The following VRK2 variants were observed in gnomAD, a reference collection of about 807,000 sequenced individuals.
VRK2 encodes the protein serine/threonine-protein kinase VRK2.
Under a neutral mutation model 57.6 loss-of-function variants are expected in VRK2, and 60 were observed. The observed-to-expected ratio is 1.04, with a 90% confidence interval of 0.85 to 1.29. The LOEUF (loss-of-function observed/expected upper bound fraction) is 1.29, where lower values mean the gene tolerates loss of function less well. VRK2 is among the 50% of genes most tolerant of loss of function. The pLI is 0.00. For missense variants in VRK2, 705 were observed against 588.1 expected (o/e 1.20, Z -2.06); for synonymous variants, 231 against 199.2 (o/e 1.16, Z -1.35).
Position 58,046,826 on chromosome 2 carries a change from G to C in VRK2, c.-48G>C, listed in dbSNP as rs1558561077. The C allele has an allele frequency of 6.1e-6, 6 of 985,626 alleles. No individual in the cohort carries two copies. Among genetic ancestry groups the C allele is most frequent in the Non-Finnish European group, 7.2e-6 (6 of 830,198 alleles). 61.1% of individuals were successfully genotyped at this position (985,626 alleles called of 1,614,324 possible). On this transcript the variant is annotated 5_prime_UTR_variant, in exon 1 of 13. Transcript: ENST00000340157. ...TCCGCCTCGTCGCAGCGGCAGGTAG[G>C]AGGCGGTGCGCGCGGCCCGGCGACG... is the stretch of plus-strand genomic sequence containing the variant.
At chr2:57,966,956 A>G (rs1671937334) in intron 1 of VRK2, among the ~76,000 whole-genome samples, 1 of 152,218 alleles carries the variant, frequency 6.6e-6, no homozygotes, top group Non-Finnish European at 1.5e-5. Flanking sequence ...GCATGTGATC[A>G]GCAGGAGAGA....
intron 1 of VRK2, among the ~76,000 whole-genome samples, chr2:57,931,728 A>G (rs1415838113): frequency 6.6e-6 from 1 of 151,896 alleles, no homozygotes; most frequent in Non-Finnish European, 1.5e-5. Flanking sequence ...TTCCTCTAAG[A>G]GATTTATAGC....
exon 3 of VRK2, chr2:58,033,292 A>G (rs1369948218): frequency 6.6e-6 from 1 of 152,024 alleles, no homozygotes; most frequent in African/African-American, 2.4e-5. Context: ...AGGACTTTAC[A>G]GATCTGAGTA....
chr2:57,941,332 A>G (rs1192389536), intron 1 of VRK2, among the ~76,000 whole-genome samples: 1 of 152,200 alleles, frequency 6.6e-6, no homozygotes. Context: ...TGCTTTTTAC[A>G]TATCATATGA....
intron 1 of VRK2, among the ~76,000 whole-genome samples, chr2:57,939,017 A>C (rs1003495469): frequency 6.6e-6 from 1 of 152,198 alleles, no homozygotes; most frequent in Non-Finnish European, 1.5e-5. Flanking sequence ...TCAAACTGAG[A>C]AACAGACAAT....
chr2:57,919,927 T>C lies in VRK2; in HGVS notation c.-439+12088T>C, dbSNP rs549968529. ...GCTGAAGTTAAAAGTCTAAAAATGA[T>C]TTTCATTCATTCCTCATTAATATGC... On this transcript the variant is annotated intron_variant, in intron 1 of 15. Transcript: ENST00000417641. Among the ~76,000 whole-genome samples the C allele has an allele frequency of 2.0e-4, 30 of 152,180 alleles. No individual in the cohort carries two copies. The South Asian group carries it at 5.6e-3, about 28-fold the overall frequency.
chr2:58,092,712 G>A (rs1672552751), intron 7 of VRK2, among the ~76,000 whole-genome samples: 1 of 152,210 alleles, frequency 6.6e-6, no homozygotes, highest in South Asian at 2.1e-4. Flanking sequence ...TGTGCACAAA[G>A]TGCAGGTTTG....
At chr2:58,023,344 T>C (rs1487884008) in intron 1 of VRK2, among the ~76,000 whole-genome samples, 1 of 152,234 alleles carries the variant, frequency 6.6e-6, no homozygotes, top group Non-Finnish European at 1.5e-5. Context: ...ATTGTGTGTA[T>C]ATGTGTGTGT....
rs1266557659 is a variant in VRK2 at position 58,082,395 on chromosome 2, T to A, written c.137-1694T>A. Among the ~76,000 whole-genome samples, 6 of 151,984 alleles carry A rather than the reference T, an allele frequency of 3.9e-5. No individual in the cohort carries two copies. The East Asian group carries it at 1.2e-3, about 29-fold the overall frequency. ...AAGATTTATTTGCTGCTGTGGTCAC[T>A]TGCTTTTAGACAAGAGGCAAAACTT... On this transcript the variant is annotated intron_variant, in intron 2 of 12. Transcript: ENST00000340157.
intron 1 of VRK2, among the ~76,000 whole-genome samples, chr2:57,975,128 T>C (rs1277350862): frequency 6.6e-6 from 1 of 151,972 alleles, no homozygotes; most frequent in African/African-American, 2.4e-5. Flanking sequence ...ACCCTTAACA[T>C]TTTTAAAGTA....
intron 1 of VRK2, among the ~76,000 whole-genome samples, chr2:57,987,339 G>A (rs1459908493): frequency 2.0e-5 from 3 of 152,028 alleles, no homozygotes; most frequent in Admixed American, 2.0e-4. Context: ...ATAAAAATGG[G>A]CAAAACTCTG....
intron 10 of VRK2, 118 bp from the exon 11 acceptor site, chr2:58,139,548 G>T: frequency 4.8e-6 from 4 of 825,278 alleles, no homozygotes; most frequent in Admixed American, 2.9e-5. Context: ...TTCATTTTTA[G>T]TTTCTTCAGG....
At chr2:58,107,773 C>T (rs2165103) in intron 7 of VRK2, among the ~76,000 whole-genome samples, 9,300 of 152,204 alleles carry the variant, frequency 0.061, 963 homozygotes, top group African/African-American at 0.21. Flanking sequence ...TCCCAGTGGA[C>T]AGTGACATTT....
intron 2 of VRK2, among the ~76,000 whole-genome samples, chr2:58,060,903 G>A (rs1325848908): frequency 6.6e-6 from 1 of 151,834 alleles, no homozygotes; most frequent in East Asian, 1.9e-4. Flanking sequence ...TGGCCAAATT[G>A]AATGTCTCTT....
At chr2:58,046,224 T>C (rs1422103860), upstream of VRK2, among the ~76,000 whole-genome samples, 1 of 152,204 alleles carries the variant, frequency 6.6e-6, no homozygotes, top group Non-Finnish European at 1.5e-5. Flanking sequence ...AATAACCTTA[T>C]AATCTAACAA....
intron 1 of VRK2, among the ~76,000 whole-genome samples, chr2:57,931,470 AT>A (rs1670721954): frequency 6.6e-6 from 1 of 151,992 alleles, no homozygotes; most frequent in African/African-American, 2.4e-5. Context: ...TGTTTACTTG[AT>A]TTTTTGCTAC....
intron 2 of VRK2, among the ~76,000 whole-genome samples, chr2:58,075,749 T>G (rs1388615939): frequency 6.6e-6 from 1 of 151,862 alleles, no homozygotes; most frequent in Non-Finnish European, 1.5e-5. Context: ...GAGGCTGGAG[T>G]GGTTATTTTT....
At chr2:58,126,421 G>A (rs1246802093) in intron 8 of VRK2, among the ~76,000 whole-genome samples, 2 of 152,070 alleles carry the variant, frequency 1.3e-5, no homozygotes, top group African/African-American at 4.8e-5. Flanking sequence ...TGTATAAGCT[G>A]CCATTCAGTC....
intron 7 of VRK2, among the ~76,000 whole-genome samples, chr2:58,110,124 C>T (rs1157299976): frequency 6.6e-6 from 1 of 152,088 alleles, no homozygotes; most frequent in Non-Finnish European, 1.5e-5. Context: ...ATTTTCTAGA[C>T]GGACTGCTTA....
Sources: gnomAD v4.1 joint callset for allele counts (sites outside exome capture counted in the v4.1 genomes callset) on GRCh38, gnomAD v4.1.1 for gene constraint, MANE v1.5 for transcripts, NCBI Gene and HGNC (gene_info 2026-07-23, HGNC 2026-07-21) for gene names.